SKA1: variants seen among roughly 807,000 people sequenced by gnomAD.
SKA1 encodes the protein spindle and kinetochore associated complex subunit 1, also known as SKA complex subunit 1.
SKA1 carries 20 observed loss-of-function variants against 31.8 expected under a neutral mutation model. The ratio of observed to expected loss-of-function variants is 0.63; its 90% CI spans 0.44 to 0.91. SKA1 has a LOEUF of 0.91. SKA1 is among the 40% of genes least tolerant of loss of function. The pLI is 0.00. For missense variants in SKA1, 253 were observed against 298.2 expected (o/e 0.85, Z 1.12); for synonymous variants, 88 against 100.5 (o/e 0.88, Z 0.74).
At chr18:50,390,378 G>A (rs1202271821) in intron 5 of SKA1, among the ~76,000 whole-genome samples, 1 of 152,178 alleles carries the variant, frequency 6.6e-6, no homozygotes, top group Non-Finnish European at 1.5e-5. Flanking sequence ...AGATCATCAA[G>A]TTTTGTTTTT....
intron 4 of SKA1, 117 bp from the exon 5 acceptor site, chr18:50,385,099 C>A: frequency 2.6e-6 from 2 of 779,414 alleles, no homozygotes; most frequent in Non-Finnish European, 3.9e-6. Context: ...AAAATGTTGG[C>A]AATAAGATTA....
chr18:50,390,150 A>G (rs1268674058), intron 5 of SKA1, among the ~76,000 whole-genome samples: 7 of 152,198 alleles, frequency 4.6e-5, no homozygotes, highest in African/African-American at 7.2e-5. Context: ...GTTTGTAGAA[A>G]TTGTGGTTAG....
At chr18:50,391,979 G>T (rs1682070868) in intron 6 of SKA1, 120 bp from the exon 7 acceptor site, 1 of 657,842 alleles carries the variant, frequency 1.5e-6, no homozygotes, top group Non-Finnish European at 2.5e-6. Flanking sequence ...ACTAGTTCTT[G>T]GTTTTATTGG....
Position 50,393,050 on chromosome 18 carries a change from C to G in SKA1, c.*803C>G, listed in dbSNP as rs2041372693. The G allele has an allele frequency of 6.6e-6, 1 of 152,268 alleles. No homozygotes were observed. The highest frequency in any genetic ancestry group is 6.5e-5 in the Admixed American group (1 of 15,288). 9.4% of individuals were successfully genotyped at this position (152,268 alleles called of 1,614,324 possible). On this transcript the variant is annotated 3_prime_UTR_variant, in exon 7 of 7. Coordinates refer to ENST00000285116, the MANE Select transcript of SKA1 (RefSeq NM_145060.4). ...GGCCAACTTATATATTTTCAAGATT[C>G]ACCTCCTCTCACCAAATATTTAACT... is the stretch of plus-strand genomic sequence containing the variant.
At chr18:50,386,174 T>C (rs1043337802) in intron 5 of SKA1, among the ~76,000 whole-genome samples, 1 of 150,480 alleles carries the variant, frequency 6.6e-6, no homozygotes, top group African/African-American at 2.5e-5. Flanking sequence ...TCATTAATAG[T>C]CATATAATAT....
intron 5 of SKA1, among the ~76,000 whole-genome samples, chr18:50,387,364 T>G (rs1237310089): frequency 2.0e-5 from 3 of 152,232 alleles, no homozygotes; most frequent in African/African-American, 7.2e-5. Flanking sequence ...TATTTTCCAT[T>G]TGCATATCTT....
At chr18:50,391,993 C>A in intron 6 of SKA1, 106 bp from the exon 7 acceptor site, 1 of 778,764 alleles carries the variant, frequency 1.3e-6, no homozygotes, top group Non-Finnish European at 2.0e-6. Flanking sequence ...TTATTGGATA[C>A]TAACAGTAAA....
At chr18:50,390,611 C>T (rs2041348889) in intron 5 of SKA1, among the ~76,000 whole-genome samples, 1 of 152,190 alleles carries the variant, frequency 6.6e-6, no homozygotes, top group Admixed American at 6.5e-5. Context: ...ATCCCCTACC[C>T]CATCAGTTCT....
chr18:50,392,006 C>T lies in SKA1; in HGVS notation c.620-93C>T, dbSNP rs192076487. 5.6e-5 allele frequency: 53 copies of T among 944,066 alleles called. 1 individual carries two copies. The African/African-American group carries it at 6.0e-4, about 11-fold the overall frequency. 58.5% of individuals were successfully genotyped at this position (944,066 alleles called of 1,614,324 possible). On this transcript the variant is annotated intron_variant, in intron 6 of 6. Coordinates refer to ENST00000285116, the MANE Select transcript of SKA1 (RefSeq NM_145060.4). ...TTTTATTGGATACTAACAGTAAAAA[C>T]GACTAATACCATTCATATTCACAAC...
chr18:50,389,375 C>CTTTTTTTTTTTTTTTTTTTTTTTTTTTTT (rs756288352), intron 5 of SKA1, among the ~76,000 whole-genome samples: 2 of 86,138 alleles, frequency 2.3e-5, no homozygotes, highest in African/African-American at 1.0e-4. Context: ...CTTTACCTTT[C>CTTTTTTTTTTTTTTTTTTTTTTTTTTTTT]TTTTTTTTTT....
At chr18:50,378,007 T>A (rs1230523894) in intron 2 of SKA1, among the ~76,000 whole-genome samples, 2 of 152,224 alleles carry the variant, frequency 1.3e-5, no homozygotes, top group Admixed American at 1.3e-4. Context: ...CCTCAGCTCA[T>A]GAGTACTTGG....
chr18:50,383,745 A>T (rs2041280770), intron 4 of SKA1, among the ~76,000 whole-genome samples: 1 of 152,198 alleles, frequency 6.6e-6, no homozygotes, highest in African/African-American at 2.4e-5. Flanking sequence ...TCTGTAGTTG[A>T]AAATGGTTAT....
At chr18:50,377,531 T>G (rs1216972793) in intron 2 of SKA1, among the ~76,000 whole-genome samples, 5 of 152,250 alleles carry the variant, frequency 3.3e-5, no homozygotes, top group Admixed American at 6.5e-5. Flanking sequence ...TTGGAGATTT[T>G]AAGTATATTT....
Position 50,393,563 on chromosome 18 carries a change from A to G in SKA1, c.*1316A>G, listed in dbSNP as rs2041377828. ...GCATTTAGTGTACACCAGTCTGTAA[A>G]CTTCAACCTGTAATGAAAGTGTAAT... On this transcript the variant is annotated 3_prime_UTR_variant, in exon 7 of 7. Coordinates refer to ENST00000285116, the MANE Select transcript of SKA1 (RefSeq NM_145060.4). 1.3e-5 allele frequency: 2 copies of G among 152,176 alleles called. No individual in the cohort carries two copies. Among genetic ancestry groups the G allele is most frequent in the African/African-American group, 4.8e-5 (2 of 41,430 alleles). The allele number at this position is 152,176 out of a possible 1,614,324, so 9.4% of individuals were successfully genotyped here.
chr18:50,382,024 C>T, intron 3 of SKA1, 105 bp from the exon 4 acceptor site: 1 of 725,824 alleles, frequency 1.4e-6, no homozygotes. Context: ...CGCGTCCAGC[C>T]ACAGTCACTG....
At chr18:50,390,897 AG>A (rs2149323754) in intron 5 of SKA1, among the ~76,000 whole-genome samples, 1 of 152,364 alleles carries the variant, frequency 6.6e-6, no homozygotes, top group South Asian at 2.1e-4. Flanking sequence ...AGTTCTCCAT[AG>A]GTAAACAATA....
In SKA1 at chr18:50,393,986, GTTCAGGGAGC is replaced by G. The variant is rs1241276106; in HGVS notation, c.*1747_*1756del. 1 of 152,224 alleles carries G rather than the reference GTTCAGGGAGC, an allele frequency of 6.6e-6. No individual in the cohort carries two copies. The highest frequency in any genetic ancestry group is 1.5e-5 in the Non-Finnish European group (1 of 68,048). The allele number at this position is 152,224 out of a possible 1,614,324, so 9.4% of individuals were successfully genotyped here. A position where few individuals can be genotyped will look rare whatever the true frequency, so the allele number is the denominator to read the frequency against. On this transcript the variant is annotated 3_prime_UTR_variant, in exon 7 of 7. Coordinates refer to ENST00000285116, the MANE Select transcript of SKA1 (RefSeq NM_145060.4). ...CAAGACATAATCCGTTAACTATGGA[GTTCAGGGAGC>G]TTCAGGGTTGGCAAACATTTTGATG... is the stretch of plus-strand genomic sequence containing the variant.
intron 6 of SKA1, among the ~76,000 whole-genome samples, chr18:50,391,628 A>G (rs777419831): frequency 2.0e-5 from 3 of 152,206 alleles, no homozygotes; most frequent in African/African-American, 4.8e-5. Context: ...ACTATGCCCA[A>G]TGTTTTAGGA....
intron 5 of SKA1, among the ~76,000 whole-genome samples, chr18:50,386,824 A>T (rs1008400293): frequency 2.0e-5 from 3 of 152,190 alleles, no homozygotes; most frequent in African/African-American, 7.2e-5. Context: ...AGAAATAAGG[A>T]TTTATGATCC....
Sources: allele counts gnomAD v4.1 joint callset (sites outside exome capture counted in the v4.1 genomes callset), GRCh38; gene constraint gnomAD v4.1.1; transcripts MANE v1.5; gene names NCBI Gene and HGNC (gene_info 2026-07-23, HGNC 2026-07-21).